LRTM3: variants seen among roughly 807,000 people sequenced by gnomAD.
LRTM3 encodes leucine rich repeat transmembrane protein 3, also known as leucine-rich repeat transmembrane protein 3.
chr13:102,746,007 G>A, the LRTM3 span: 2 of 1,551,190 alleles, frequency 1.3e-6, no homozygotes, highest in Non-Finnish European at 1.7e-6. Flanking sequence ...TCCAGAGCCT[G>A]TAAAGCTTTG....
the LRTM3 span, chr13:102,731,907 T>C: frequency 1.3e-6 from 2 of 1,549,580 alleles, no homozygotes; most frequent in South Asian, 1.2e-5. Context: ...TCCTGCTCGA[T>C]GATACGTAAG....
the LRTM3 span, chr13:102,744,083 A>G: frequency 5.8e-6 from 9 of 1,550,582 alleles, no homozygotes; most frequent in Non-Finnish European, 7.9e-6. Flanking sequence ...GGCACTGAGT[A>G]ATGCCTCTCC....
the LRTM3 span, chr13:102,737,078 C>T: frequency 6.4e-6 from 10 of 1,551,138 alleles, no homozygotes; most frequent in Non-Finnish European, 8.7e-6. Context: ...AGTTTTTGAG[C>T]CACTGCTGCC....
the LRTM3 span, chr13:102,732,084 G>A: frequency 3.9e-6 from 6 of 1,551,330 alleles, no homozygotes; most frequent in South Asian, 3.6e-5. Flanking sequence ...TGGGGATCTT[G>A]TGGAACTGTG....
chr13:102,753,497 AAAAAAAAAAAAGAAAAG>A, the LRTM3 span, among the ~76,000 whole-genome samples: 5 of 127,604 alleles, frequency 3.9e-5, no homozygotes, highest in African/African-American at 1.0e-4. Flanking sequence ...GTAAAATTAA[AAAAAAAAAAAAGAAAAG>A]AAAAAAAAAA....
chr13:102,737,903 C>G, the LRTM3 span: 1 of 1,550,734 alleles, frequency 6.4e-7, no homozygotes, highest in Non-Finnish European at 8.7e-7. Flanking sequence ...GAACAGAACT[C>G]TTTCCTGTTC....
At chr13:102,757,090 A>C in the LRTM3 span, among the ~76,000 whole-genome samples, 37 of 152,286 alleles carry the variant, frequency 2.4e-4, no homozygotes, top group East Asian at 6.9e-3. Context: ...AATATCTCAA[A>C]TGCTGAATCT....
chr13:102,740,019 C>G, the LRTM3 span: 2 of 1,550,284 alleles, frequency 1.3e-6, no homozygotes, highest in African/African-American at 2.7e-5. Context: ...ACTTGTTCTA[C>G]GCTATCCTTC....
At chr13:102,747,005 T>G in the LRTM3 span, 4 of 1,551,144 alleles carry the variant, frequency 2.6e-6, no homozygotes, top group Admixed American at 2.0e-5. Context: ...TTTCTCTGTT[T>G]TAATCTCCTT....
the LRTM3 span, among the ~76,000 whole-genome samples, chr13:102,755,967 T>A: frequency 0.44 from 55,738 of 125,994 alleles, 13,352 homozygotes; most frequent in Non-Finnish European, 0.55. Context: ...ATATATTTTT[T>A]TTTTTTCCTT....
the LRTM3 span, chr13:102,729,760 A>T: frequency 6.4e-7 from 1 of 1,551,846 alleles, no homozygotes; most frequent in Non-Finnish European, 8.7e-7. Flanking sequence ...CTGACTCATA[A>T]TCATACACTC....
the LRTM3 span, chr13:102,746,103 C>T: frequency 3.2e-6 from 5 of 1,551,008 alleles, no homozygotes; most frequent in Non-Finnish European, 4.4e-6. Context: ...TCTAAAGGAC[C>T]CATTTGGAGA....
chr13:102,731,912 C>T, the LRTM3 span: 76 of 1,549,646 alleles, frequency 4.9e-5, no homozygotes, highest in Admixed American at 2.6e-4. Flanking sequence ...CTCGATGATA[C>T]GTAAGTCTGG....
the LRTM3 span, chr13:102,742,304 G>A: frequency 1.8e-5 from 28 of 1,549,722 alleles, no homozygotes; most frequent in African/African-American, 2.7e-5. Context: ...GGTATGCATA[G>A]TACTTTCCAC....
chr13:102,746,282 A>C, the LRTM3 span: 2 of 1,550,990 alleles, frequency 1.3e-6, no homozygotes, highest in Non-Finnish European at 8.7e-7. Flanking sequence ...CGCTGCTTCT[A>C]ATAAAACTTT....
At chr13:102,742,636 A>G in the LRTM3 span, 1 of 1,550,568 alleles carries the variant, frequency 6.4e-7, no homozygotes, top group Non-Finnish European at 8.7e-7. Flanking sequence ...GCTCCTTATT[A>G]TTGCTTACAA....
the LRTM3 span, chr13:102,739,459 C>T: frequency 6.4e-7 from 1 of 1,550,404 alleles, no homozygotes; most frequent in Admixed American, 2.0e-5. Flanking sequence ...GAGTTCCTGA[C>T]TTATCTTTAC....
the LRTM3 span, chr13:102,730,745 G>T: frequency 1.9e-6 from 3 of 1,551,400 alleles, no homozygotes; most frequent in South Asian, 1.2e-5. Context: ...TTTACACACT[G>T]CAATTGTGTT....
At chr13:102,734,472 C>T in the LRTM3 span, 2 of 1,551,304 alleles carry the variant, frequency 1.3e-6, no homozygotes, top group South Asian at 2.4e-5. Flanking sequence ...TCCTTTCGTC[C>T]TTGCCCTCCA....
Sources: gnomAD v4.1 joint callset for allele counts (sites outside exome capture counted in the v4.1 genomes callset) on GRCh38, gnomAD v4.1.1 for gene constraint, MANE v1.5 for transcripts, NCBI Gene and HGNC (gene_info 2026-07-23, HGNC 2026-07-21) for gene names.